CLIP2: variants seen among roughly 807,000 people sequenced by gnomAD.
CLIP2 encodes CAP-Gly domain-containing linker protein 2.
A neutral mutation model predicts 111.7 loss-of-function variants in CLIP2; 41 were observed. That is an observed-to-expected ratio of 0.37 (90% CI 0.29 to 0.48). The LOEUF is 0.48. Among genes scored for constraint, CLIP2 ranks in the 20% least tolerant of loss-of-function variants. The pLI, the probability that CLIP2 is intolerant of heterozygous loss-of-function variation, is 0.99. For synonymous variants in CLIP2, 660 were observed against 644.2 expected, an observed-to-expected ratio of 1.02 and a Z score of -0.37; for missense variants, 1,160 against 1,422.1, an observed-to-expected ratio of 0.82 and a Z score of 2.96.
At chr7:74,389,553 G>T in intron 13 of CLIP2, 2 of 175,738 alleles carry the variant, frequency 1.1e-5, no homozygotes, top group Non-Finnish European at 2.1e-5. Flanking sequence ...AGGAGTTCAA[G>T]ACCAGCCTGG....
intron 12 of CLIP2, among the ~76,000 whole-genome samples, chr7:74,387,542 C>T (rs1277497013): frequency 1.2e-4 from 18 of 152,200 alleles, no homozygotes; most frequent in African/African-American, 2.9e-4. Context: ...TGAGCCACCA[C>T]GCCCGGCCCC....
Position 74,289,703 on chromosome 7 carries a change from C to T in CLIP2, c.-99C>T, listed in dbSNP as rs1388273287. 6.6e-6 allele frequency: 1 copy of T among 152,170 alleles called. No homozygotes were observed. The highest frequency in any genetic ancestry group is 1.5e-5 in the Non-Finnish European group (1 of 68,056). 9.4% of individuals were successfully genotyped at this position (152,170 alleles called of 1,614,324 possible). On this transcript the variant is annotated 5_prime_UTR_variant, in exon 1 of 17. Transcript: ENST00000223398. Reference sequence around the variant, plus strand: ...AGGAGGCCGGGGCTCTCCGGGCCTCCCGCCGCTTAGCCTGATGCTGGAAGG... The same window carrying T: ...AGGAGGCCGGGGCTCTCCGGGCCTCTCGCCGCTTAGCCTGATGCTGGAAGG...
rs199837059 is a variant in CLIP2 at position 74,400,482 on chromosome 7, G to A, written c.2993G>A (p.Arg998Gln). ...HQLMSTEDAL[R>Q]DALDQAQQVE... ...CTGATGAGCACGGAGGACGCCCTGC[G>A]GGATGCGCTGGACCAGGCTCAGCAG... is the stretch of plus-strand genomic sequence containing the variant. Residue 998 changes from arginine to glutamine, a missense_variant, in exon 15 of 17, where the codon CGG becomes CAG. This residue lies in a region of CLIP2 where 676 missense variants were observed against 777.8 expected (regional missense o/e 0.87). Transcript: ENST00000223398. 4 of 1,613,784 alleles carry A rather than the reference G, an allele frequency of 2.5e-6. No homozygotes were observed. The highest frequency in any genetic ancestry group is 1.7e-5 in the Admixed American group (1 of 59,954).
At chr7:74,351,242 G>A (rs1789987131) in intron 3 of CLIP2, among the ~76,000 whole-genome samples, 1 of 151,214 alleles carries the variant, frequency 6.6e-6, no homozygotes, top group South Asian at 2.1e-4. Context: ...CAAATGGATT[G>A]CTTGAGCCCG....
At chr7:74,327,793 C>T (rs989740084) in intron 2 of CLIP2, among the ~76,000 whole-genome samples, 2 of 152,122 alleles carry the variant, frequency 1.3e-5, no homozygotes, top group Non-Finnish European at 1.5e-5. Flanking sequence ...GGCGGGGGTC[C>T]GGCTGCCAGC....
At chr7:74,358,804 C>T (rs1387338389) in intron 6 of CLIP2, among the ~76,000 whole-genome samples, 2 of 152,000 alleles carry the variant, frequency 1.3e-5, no homozygotes, top group Non-Finnish European at 2.9e-5. Flanking sequence ...CTCCTGGCCT[C>T]AAGTGACCCT....
intron 13 of CLIP2, among the ~76,000 whole-genome samples, chr7:74,393,576 T>C (rs1325716387): frequency 1.1e-4 from 16 of 151,688 alleles, no homozygotes; most frequent in Non-Finnish European, 1.9e-4. Context: ...CCTCAGGTGA[T>C]CCACCCGCCT....
At chr7:74,387,732 A>G (rs1436934263) in intron 12 of CLIP2, among the ~76,000 whole-genome samples, 2 of 152,154 alleles carry the variant, frequency 1.3e-5, no homozygotes, top group Non-Finnish European at 2.9e-5. Flanking sequence ...AGCTTTTCCT[A>G]ATCCAGGCGA....
chr7:74,317,753 A>G (rs1554729345), intron 2 of CLIP2, 86 bp downstream of exon 2: 3 of 1,323,872 alleles, frequency 2.3e-6, no homozygotes, highest in African/African-American at 1.5e-5. Flanking sequence ...AGCACAGGCC[A>G]CTCTGTGACC....
At position 74,404,680 on chromosome 7, in the gene CLIP2, G is replaced by A. The variant is rs1205927013; in HGVS notation, c.*832G>A. The A allele has an allele frequency of 6.6e-6, 1 of 152,526 alleles. No homozygotes were observed. Among genetic ancestry groups the A allele is most frequent in the Non-Finnish European group, 1.5e-5 (1 of 68,042 alleles). 9.4% of individuals were successfully genotyped at this position (152,526 alleles called of 1,614,324 possible). On this transcript the variant is annotated 3_prime_UTR_variant, in exon 17 of 17. Coordinates refer to ENST00000223398, the MANE Select transcript of CLIP2 (RefSeq NM_003388.5). ...AGGCAGCTCAGAGTGGAGGCTCTAG[G>A]CAGGTTTGACAAAGGTCAGTAATAC...
chr7:74,367,801 G>GGATTA (rs1790500648), intron 8 of CLIP2, among the ~76,000 whole-genome samples: 2 of 152,202 alleles, frequency 1.3e-5, no homozygotes, highest in Non-Finnish European at 2.9e-5. Flanking sequence ...AGTTGGCTGG[G>GGATTA]CATGGTGGCT....
At chr7:74,358,051 GTTTT>G (rs782071365) in intron 6 of CLIP2, among the ~76,000 whole-genome samples, 1 of 111,396 alleles carries the variant, frequency 9.0e-6, no homozygotes, top group Non-Finnish European at 1.9e-5. Context: ...CACTGCAAGG[GTTTT>G]TTTTTTTTTT....
At chr7:74,308,974 C>T (rs991988236) in intron 1 of CLIP2, among the ~76,000 whole-genome samples, 1 of 152,008 alleles carries the variant, frequency 6.6e-6, no homozygotes. Flanking sequence ...CTGAAGCAAT[C>T]CTCTCACCTT....
rs782602752 is a variant in CLIP2 at position 74,338,611 on chromosome 7, G to A, written c.285G>A (p.Val95=). 3.8e-6 allele frequency: 6 copies of A among 1,565,468 alleles called. No homozygotes were observed. The highest frequency in any genetic ancestry group is 1.4e-5 in the African/African-American group (1 of 73,610). Residue 95 remains valine (V), a synonymous_variant, in exon 3 of 17, where the codon GTG becomes GTA. Coordinates refer to ENST00000223398, the MANE Select transcript of CLIP2 (RefSeq NM_003388.5). The surrounding 1 kb of genome is among the most constrained non-coding windows in gnomAD (Gnocchi z 4.3). ...VWVNGVKPGV[V]QYLGETQFAP... is the part of the protein sequence containing the mutation. ...TGAACGGCGTGAAGCCAGGCGTGGT[G>A]CAGTATCTGGGAGAGACGCAGTTCG...
At chr7:74,336,875 GT>G (rs1385833904) in intron 2 of CLIP2, among the ~76,000 whole-genome samples, 9 of 36,646 alleles carry the variant, frequency 2.5e-4, no homozygotes, top group Non-Finnish European at 5.7e-4. Context: ...TTTTTTTTTT[GT>G]TTTTTTTTGT....
intron 1 of CLIP2, among the ~76,000 whole-genome samples, chr7:74,303,183 C>T (rs1229991679): frequency 2.0e-5 from 3 of 152,218 alleles, no homozygotes; most frequent in African/African-American, 7.2e-5. Flanking sequence ...CTCTTCTTGC[C>T]CTGGTCAGGG....
chr7:74,315,622 G>A (rs1051973860), intron 1 of CLIP2, among the ~76,000 whole-genome samples: 4 of 151,666 alleles, frequency 2.6e-5, no homozygotes, highest in African/African-American at 7.3e-5. Context: ...CCAGGCTGGA[G>A]TGCAGTGGTG....
chr7:74,357,072 T>G (rs1374847358), intron 5 of CLIP2, among the ~76,000 whole-genome samples: 2 of 152,132 alleles, frequency 1.3e-5, no homozygotes, highest in African/African-American at 4.8e-5. Context: ...ATGGGGAGTT[T>G]CCTGAATCTC....
At chr7:74,314,636 G>T (rs1404308766) in intron 1 of CLIP2, among the ~76,000 whole-genome samples, 3 of 152,188 alleles carry the variant, frequency 2.0e-5, no homozygotes, top group Non-Finnish European at 2.9e-5. Context: ...CTTTTGCCTG[G>T]AATCCTCCAT....
Sources: allele counts gnomAD v4.1 joint callset (sites outside exome capture counted in the v4.1 genomes callset), GRCh38; gene constraint gnomAD v4.1.1; regional missense constraint gnomAD v4.1.1; non-coding constraint Gnocchi (gnomAD v3.1); transcripts MANE v1.5; gene names NCBI Gene and HGNC (gene_info 2026-07-23, HGNC 2026-07-21).